Variants in ACTR3C observed in about 807,000 individuals in gnomAD.
ACTR3C encodes the protein actin-related protein 3C.
Under a neutral mutation model 26.3 loss-of-function variants are expected in ACTR3C, and 18 were observed. The observed-to-expected ratio is 0.68, with a 90% CI of 0.47 to 1.01. The LOEUF (loss-of-function observed/expected upper bound fraction) is 1.01. ACTR3C is among the 50% of genes least tolerant of loss of function. ACTR3C has a pLI of 0.00. For missense variants in ACTR3C, 184 were observed against 250.7 expected, an observed-to-expected ratio of 0.73 and a Z score of 1.80; for synonymous variants, 55 against 94.5, an observed-to-expected ratio of 0.58 and a Z score of 2.42.
chr7:149,926,084 A>G, the ACTR3C span, among the ~76,000 whole-genome samples: 2 of 152,046 alleles, frequency 1.3e-5, no homozygotes, highest in Admixed American at 6.5e-5. Flanking sequence ...AAAGAAAAAG[A>G]AGAAAAGAAA....
the ACTR3C span, among the ~76,000 whole-genome samples, chr7:150,231,102 T>G: frequency 1.3e-5 from 2 of 152,234 alleles, no homozygotes; most frequent in African/African-American, 2.4e-5. Context: ...AGCACTGCTT[T>G]CATTGCATCC....
chr7:150,218,969 G>A, the ACTR3C span, among the ~76,000 whole-genome samples: 3 of 151,840 alleles, frequency 2.0e-5, no homozygotes, highest in African/African-American at 7.3e-5. Flanking sequence ...AAATCATAGT[G>A]AGAACAGAGA....
chr7:150,273,890 G>C (rs908948701), intron 6 of ACTR3C, among the ~76,000 whole-genome samples: 2 of 152,138 alleles, frequency 1.3e-5, no homozygotes, highest in Non-Finnish European at 2.9e-5. Context: ...TCCTCTGTGA[G>C]AGCGCAAAGC....
At chr7:150,145,015 A>T in the ACTR3C span, among the ~76,000 whole-genome samples, 1 of 146,476 alleles carries the variant, frequency 6.8e-6, no homozygotes, top group Non-Finnish European at 1.5e-5. Context: ...GCACCATTGC[A>T]CTCCAGCCTG....
chr7:149,946,553 T>G, the ACTR3C span, among the ~76,000 whole-genome samples: 1 of 152,180 alleles, frequency 6.6e-6, no homozygotes, highest in African/African-American at 2.4e-5. Flanking sequence ...GTTTCCCCCA[T>G]CCTTGGCTGT....
chr7:150,040,583 T>A, the ACTR3C span: 1 of 147,876 alleles, frequency 6.8e-6, no homozygotes, highest in Non-Finnish European at 1.5e-5. Flanking sequence ...TCCGGTAGAT[T>A]GCAAATAACC....
chr7:150,207,124 A>G, the ACTR3C span, among the ~76,000 whole-genome samples: 1 of 152,182 alleles, frequency 6.6e-6, no homozygotes, highest in Non-Finnish European at 1.5e-5. Flanking sequence ...GAAGCGGAAA[A>G]TGTTTTTTAC....
At chr7:150,124,998 T>G in the ACTR3C span, among the ~76,000 whole-genome samples, 1 of 152,236 alleles carries the variant, frequency 6.6e-6, no homozygotes, top group Non-Finnish European at 1.5e-5. Context: ...GAGCCATTAT[T>G]TGATTTCACG....
the ACTR3C span, among the ~76,000 whole-genome samples, chr7:150,159,829 C>T: frequency 2.6e-5 from 4 of 152,064 alleles, no homozygotes; most frequent in African/African-American, 7.2e-5. Flanking sequence ...GATGGAGTCT[C>T]GCTCTGTGGC....
the ACTR3C span, among the ~76,000 whole-genome samples, chr7:150,105,773 AGTCCAAAT>A: frequency 6.6e-5 from 10 of 152,082 alleles, no homozygotes; most frequent in Non-Finnish European, 1.2e-4. Context: ...CACCTAAGGG[AGTCCAAAT>A]GTCTGCTTAG....
the ACTR3C span, among the ~76,000 whole-genome samples, chr7:150,046,215 G>A: frequency 6.6e-6 from 1 of 151,720 alleles, no homozygotes; most frequent in Non-Finnish European, 1.5e-5. Flanking sequence ...ACAAAGTTTT[G>A]TGATCTCCAT....
the ACTR3C span, among the ~76,000 whole-genome samples, chr7:149,886,516 C>A: frequency 8.0e-3 from 1,224 of 152,274 alleles, 15 homozygotes; most frequent in African/African-American, 0.028. Flanking sequence ...GAGAGGGACA[C>A]TGGCACTCCA....
chr7:150,219,560 A>T, the ACTR3C span, among the ~76,000 whole-genome samples: 1 of 140,964 alleles, frequency 7.1e-6, no homozygotes, highest in Non-Finnish European at 1.5e-5. Flanking sequence ...GCCGGGCCCC[A>T]CAGGATCCGT....
chr7:150,223,017 T>C, the ACTR3C span, among the ~76,000 whole-genome samples: 1 of 152,266 alleles, frequency 6.6e-6, no homozygotes, highest in Non-Finnish European at 1.5e-5. Flanking sequence ...TTTTGACAGT[T>C]ATGTATATTT....
At chr7:150,231,819 C>T in the ACTR3C span, among the ~76,000 whole-genome samples, 1 of 151,802 alleles carries the variant, frequency 6.6e-6, no homozygotes, top group East Asian at 1.9e-4. Context: ...TCTATAGAAG[C>T]TTGGGAAGAA....
the ACTR3C span, among the ~76,000 whole-genome samples, chr7:150,150,043 G>A: frequency 1.2e-4 from 18 of 152,004 alleles, no homozygotes; most frequent in African/African-American, 4.1e-4. Context: ...CTTCTTTCTT[G>A]CCCTCCCAGC....
chr7:150,312,458 G>A (rs1796408645), intron 1 of ACTR3C, among the ~76,000 whole-genome samples: 1 of 152,112 alleles, frequency 6.6e-6, no homozygotes, highest in African/African-American at 2.4e-5. Context: ...ACAGACAATG[G>A]GGACAAAAAG....
At chr7:150,120,922 G>T in the ACTR3C span, among the ~76,000 whole-genome samples, 3 of 152,036 alleles carry the variant, frequency 2.0e-5, no homozygotes, top group Admixed American at 1.3e-4. Context: ...GGATGTAAGG[G>T]TGGTTCAACA....
chr7:150,202,252 A>G, the ACTR3C span, among the ~76,000 whole-genome samples: 1 of 152,348 alleles, frequency 6.6e-6, no homozygotes, highest in African/African-American at 2.4e-5. Flanking sequence ...CCTTAAAGAG[A>G]ACAAGACGTT....
Sources: allele counts gnomAD v4.1 joint callset (sites outside exome capture counted in the v4.1 genomes callset), GRCh38; gene constraint gnomAD v4.1.1; transcripts MANE v1.5; gene names NCBI Gene and HGNC (gene_info 2026-07-23, HGNC 2026-07-21).